TRPC4: variants seen among roughly 807,000 people sequenced by gnomAD.
TRPC4 encodes the protein transient receptor potential cation channel subfamily C member 4.
In TRPC4, 49 loss-of-function variants were observed where a neutral mutation model predicts 99.4. That is an observed-to-expected ratio of 0.49 (90% CI 0.39 to 0.63). TRPC4 has a LOEUF of 0.63. Ranked by LOEUF, TRPC4 falls within the 20% of genes least tolerant of loss-of-function variation. The pLI, the probability that TRPC4 is intolerant of heterozygous loss-of-function variation, is 0.00. For missense variants in TRPC4, 898 were observed against 1,152.9 expected (o/e 0.78, Z 3.20); for synonymous variants, 454 against 425.9 (o/e 1.07, Z -0.81).
At chr13:37,819,248 T>G (rs9576370) in intron 1 of TRPC4, among the ~76,000 whole-genome samples, 43,859 of 151,778 alleles carry the variant, frequency 0.29, 6,539 homozygotes, top group East Asian at 0.43. Context: ...AATTAGTTCA[T>G]GCATTGTGGA....
intron 1 of TRPC4, among the ~76,000 whole-genome samples, chr13:37,812,362 T>C (rs1369616220): frequency 2.6e-5 from 4 of 151,434 alleles, no homozygotes; most frequent in Non-Finnish European, 5.9e-5. Flanking sequence ...ATACAAACCA[T>C]TATGAGGAGA....
chr13:37,748,279 C>T (rs1053434286), intron 2 of TRPC4, among the ~76,000 whole-genome samples: 2 of 152,018 alleles, frequency 1.3e-5, no homozygotes, highest in Non-Finnish European at 2.9e-5. Context: ...AAATAATTTC[C>T]TATATTAGAT....
chr13:37,776,195 G>T (rs1356784199), intron 2 of TRPC4, among the ~76,000 whole-genome samples: 1 of 151,736 alleles, frequency 6.6e-6, no homozygotes, highest in East Asian at 1.9e-4. Context: ...GGACTAATAA[G>T]ATTCAATTTA....
intron 8 of TRPC4, among the ~76,000 whole-genome samples, chr13:37,643,190 C>T (rs1381072580): frequency 1.3e-5 from 2 of 152,074 alleles, no homozygotes; most frequent in African/African-American, 2.4e-5. Context: ...GCCAGCTTGT[C>T]TCAAGGCTCC....
intron 3 of TRPC4, among the ~76,000 whole-genome samples, chr13:37,701,772 G>A (rs1032898269): frequency 2.0e-5 from 3 of 152,054 alleles, no homozygotes; most frequent in Admixed American, 2.0e-4. Flanking sequence ...TATGAATAAG[G>A]ACTTCACTGA....
In TRPC4 at chr13:37,811,992, G is replaced by A. The variant is rs553249050; in HGVS notation, c.-27-28632C>T. Among the ~76,000 whole-genome samples, 20 of 151,662 alleles carry A rather than the reference G, an allele frequency of 1.3e-4. No individual in the cohort carries two copies. In the East Asian group the frequency reaches 2.0e-3, roughly 15 times the overall value. On this transcript the variant is annotated intron_variant, in intron 1 of 10. Coordinates refer to ENST00000379705, the MANE Select transcript of TRPC4 (RefSeq NM_016179.4). ...AGCCAGGCCAACATGGCAAAACACCGTCTCTACTAAAAATACAAAAAATAT... is the reference window on the plus strand; with the variant it reads ...AGCCAGGCCAACATGGCAAAACACCATCTCTACTAAAAATACAAAAAATAT...
rs926488621 is a variant in TRPC4 at position 37,654,531 on chromosome 13, G to A, written c.1884+557C>T. On this transcript the variant is annotated intron_variant, in intron 7 of 10. Coordinates refer to ENST00000379705, the MANE Select transcript of TRPC4 (RefSeq NM_016179.4). ...TATTGAATGAATAAATAAATAACTT[G>A]TGCTACGTTGTTTAGATTCCAGAGT... Among the ~76,000 whole-genome samples, 5 of 152,134 alleles carry A rather than the reference G, an allele frequency of 3.3e-5. No homozygotes were observed. The East Asian group carries it at 7.7e-4, about 23-fold the overall frequency.
chr13:37,638,874 C>G (rs1042149196), intron 10 of TRPC4, among the ~76,000 whole-genome samples, 166 bp downstream of exon 10: 2 of 152,090 alleles, frequency 1.3e-5, no homozygotes, highest in Non-Finnish European at 2.9e-5. Flanking sequence ...TCACCACTTG[C>G]TTTTCTTTTC....
At chr13:37,661,559 A>G (rs1033549593) in intron 6 of TRPC4, among the ~76,000 whole-genome samples, 1 of 152,188 alleles carries the variant, frequency 6.6e-6, no homozygotes, top group African/African-American at 2.4e-5. Context: ...GGCAACAGGA[A>G]CAGATGGGGT....
intron 2 of TRPC4, among the ~76,000 whole-genome samples, chr13:37,762,536 C>T (rs1956250272): frequency 6.6e-6 from 1 of 151,204 alleles, no homozygotes; most frequent in Admixed American, 6.6e-5. Context: ...ACTATGCAGC[C>T]ATAAAAAATG....
rs1267750531 is a variant in TRPC4 at position 37,659,148 on chromosome 13, T to A, written c.1689-3865A>T. ...GCATGTTGAAATGTAATCCCTGATG[T>A]TGAAAGTGGGGCTTAGAGGGATGTG... On this transcript the variant is annotated intron_variant, in intron 6 of 10. Coordinates refer to ENST00000379705, the MANE Select transcript of TRPC4 (RefSeq NM_016179.4). Among the ~76,000 whole-genome samples the A allele has an allele frequency of 2.0e-5, 3 of 152,140 alleles. No homozygotes were observed. The East Asian group carries it at 5.8e-4, about 29-fold the overall frequency.
At chr13:37,712,896 T>A (rs1954531816) in intron 3 of TRPC4, among the ~76,000 whole-genome samples, 1 of 152,124 alleles carries the variant, frequency 6.6e-6, no homozygotes. Context: ...GAGAAAGAAA[T>A]GCATGAGGTT....
Position 37,634,805 on chromosome 13 carries a change from A to T in TRPC4, c.*2098T>A, listed in dbSNP as rs978034231. ...CTACTGTAGGTATGATTTAGAAAAA[A>T]ATGAGTATTTCAGTAGCCCCAGGAT... is the stretch of plus-strand genomic sequence containing the variant. On this transcript the variant is annotated 3_prime_UTR_variant, in exon 11 of 11. Coordinates refer to ENST00000379705, the MANE Select transcript of TRPC4 (RefSeq NM_016179.4). Among the ~76,000 whole-genome samples the T allele has an allele frequency of 1.3e-5, 2 of 152,090 alleles. No individual in the cohort carries two copies. The highest frequency in any genetic ancestry group is 2.9e-5 in the Non-Finnish European group (2 of 67,982).
chr13:37,769,512 G>T (rs1186046511), intron 2 of TRPC4, among the ~76,000 whole-genome samples: 1 of 151,486 alleles, frequency 6.6e-6, no homozygotes, highest in South Asian at 2.1e-4. Flanking sequence ...TCAGAGAAAG[G>T]CTACATTTTG....
chr13:37,765,625 GAGA>G (rs1229593944), intron 2 of TRPC4, among the ~76,000 whole-genome samples: 1 of 151,284 alleles, frequency 6.6e-6, no homozygotes, highest in Non-Finnish European at 1.5e-5. Flanking sequence ...GACTGTATGA[GAGA>G]ATGAGTGTAT....
chr13:37,722,838 C>A (rs1162344107), intron 3 of TRPC4, among the ~76,000 whole-genome samples: 1 of 151,716 alleles, frequency 6.6e-6, no homozygotes, highest in African/African-American at 2.4e-5. Flanking sequence ...ATGAACATGA[C>A]TAAGATAGAA....
At chr13:37,772,176 T>C (rs921956166) in intron 2 of TRPC4, among the ~76,000 whole-genome samples, 1 of 151,728 alleles carries the variant, frequency 6.6e-6, no homozygotes, top group Non-Finnish European at 1.5e-5. Context: ...TCCCAAATCT[T>C]TCTCTCTCAC....
chr13:37,763,224 T>A (rs1286947070), intron 2 of TRPC4, among the ~76,000 whole-genome samples: 1 of 151,424 alleles, frequency 6.6e-6, no homozygotes, highest in African/African-American at 2.4e-5. Flanking sequence ...ATGGAGAAGA[T>A]GAGGAAGGAC....
At chr13:37,845,097 G>A (rs1188120490) in intron 1 of TRPC4, among the ~76,000 whole-genome samples, 4 of 152,162 alleles carry the variant, frequency 2.6e-5, no homozygotes, top group African/African-American at 4.8e-5. Flanking sequence ...CAGAGCACAA[G>A]AATCCACCCA....
Sources: allele counts gnomAD v4.1 joint callset (sites outside exome capture counted in the v4.1 genomes callset), GRCh38; gene constraint gnomAD v4.1.1; transcripts MANE v1.5; gene names NCBI Gene and HGNC (gene_info 2026-07-23, HGNC 2026-07-21).